Variants in FGF13 observed in about 807,000 individuals in gnomAD.
FGF13 encodes the protein fibroblast growth factor homologous factor 2.
Under a neutral mutation model 19.5 loss-of-function variants are expected in FGF13, and 2 were observed. The ratio of observed to expected loss-of-function variants is 0.10; its 90% CI spans 0.04 to 0.32. The LOEUF (loss-of-function observed/expected upper bound fraction) is 0.32. Ranked by LOEUF, FGF13 falls within the 10% of genes least tolerant of loss-of-function variation. The pLI is 1.00. For synonymous variants in FGF13, 72 were observed against 76.9 expected, an observed-to-expected ratio of 0.94 and a Z score of 0.33; for missense variants, 113 against 192.7, an observed-to-expected ratio of 0.59 and a Z score of 2.45.
intron 1 of FGF13, among the ~76,000 whole-genome samples, chrX:139,147,266 G>A (rs2083898834): frequency 9.1e-6 from 1 of 109,441 alleles, no homozygotes; most frequent in African/African-American, 3.3e-5. Context: ...GACAGCCTAG[G>A]GCAAGCAGCC....
chrX:138,916,923 C>A (rs2091620739), intron 1 of FGF13, among the ~76,000 whole-genome samples: 1 of 111,517 alleles, frequency 9.0e-6, no homozygotes, highest in Non-Finnish European at 1.9e-5. Flanking sequence ...CCCTAAATTA[C>A]CCAAACAAAA....
chrX:139,181,517 G>T (rs369636234), intron 1 of FGF13, among the ~76,000 whole-genome samples: 1 of 112,788 alleles, frequency 8.9e-6, no homozygotes, highest in South Asian at 3.7e-4. Flanking sequence ...ATTGAGGGCG[G>T]TTGAGACTGA....
intron 3 of FGF13, among the ~76,000 whole-genome samples, chrX:138,751,612 C>A (rs1005130653): frequency 9.0e-6 from 1 of 111,645 alleles, no homozygotes; most frequent in Admixed American, 9.5e-5. Flanking sequence ...ATACCTCCTC[C>A]TTTTTTGCTT....
At chrX:138,827,425 T>C (rs1227071445) in intron 3 of FGF13, among the ~76,000 whole-genome samples, 1 of 112,333 alleles carries the variant, frequency 8.9e-6, no homozygotes, top group Non-Finnish European at 1.9e-5. Flanking sequence ...TATTCTAATG[T>C]ACAGTGAAAA....
At chrX:139,204,235 AT>A, upstream of FGF13, 3 of 630,272 alleles carry the variant, frequency 4.8e-6, no homozygotes, top group Non-Finnish European at 5.1e-6. Flanking sequence ...TCGGGGCGGA[AT>A]CCGCTTTTCC....
intron 1 of FGF13, among the ~76,000 whole-genome samples, chrX:139,109,265 G>A (rs1184441779): frequency 9.0e-6 from 1 of 111,441 alleles, no homozygotes; most frequent in African/African-American, 3.3e-5. Context: ...CCTTGCTCTG[G>A]GAGATGCGAC....
chrX:139,105,210 C>T (rs1012789737), intron 1 of FGF13, among the ~76,000 whole-genome samples: 1 of 110,903 alleles, frequency 9.0e-6, no homozygotes, highest in African/African-American at 3.3e-5. Context: ...TCATTCCATA[C>T]CCTCAATGGC....
At position 138,661,122 on chromosome X, in the gene FGF13, ACTACGTAAGT is replaced by A. The variant is rs201120787; in HGVS notation, c.403-25477_403-25468del. On this transcript the variant is annotated intron_variant, in intron 3 of 4. Coordinates refer to ENST00000315930, the MANE Select transcript of FGF13 (RefSeq NM_004114.5). ...AGTTAACAGATAACAAGTGACCCAA[ACTACGTAAGT>A]TACTTGGCTAGTATATGTCCATGGA... Among the ~76,000 whole-genome samples, 262 of 111,313 alleles carry A rather than the reference ACTACGTAAGT, an allele frequency of 2.4e-3. 5 individuals are homozygous for A. The East Asian group carries it at 0.053, about 23-fold the overall frequency.
intron 1 of FGF13, among the ~76,000 whole-genome samples, chrX:138,996,449 G>C (rs1018071059): frequency 8.9e-6 from 1 of 112,947 alleles, no homozygotes; most frequent in Non-Finnish European, 1.9e-5. Flanking sequence ...TGAAATCCTC[G>C]CTGCTAGCGC....
intron 1 of FGF13, among the ~76,000 whole-genome samples, chrX:139,106,349 G>A (rs1241704723): frequency 8.9e-6 from 1 of 112,769 alleles, no homozygotes; most frequent in African/African-American, 3.2e-5. Context: ...CACAGAGTTG[G>A]CGTTTAAAGT....
chrX:138,898,408 G>A (rs1380205321), intron 1 of FGF13, among the ~76,000 whole-genome samples: 4 of 111,845 alleles, frequency 3.6e-5, no homozygotes, highest in Non-Finnish European at 5.6e-5. Flanking sequence ...GTAGACGCTT[G>A]GTATATGTGG....
Position 138,628,835 on chromosome X carries a change from C to T in FGF13, c.*4015G>A, listed in dbSNP as rs1484616831. The T allele has an allele frequency of 8.9e-6, 1 of 111,849 alleles. No individual in the cohort carries two copies. The highest frequency in any genetic ancestry group is 3.2e-5 in the African/African-American group (1 of 30,790). The allele number at this position is 111,849 out of a possible 1,213,427, so 9.2% of individuals were successfully genotyped here. ...GGGAGGAGTGCCACAGATCACTTCC[C>T]TCTCAGTCCTTTAAGGATTCCATGG... On this transcript the variant is annotated 3_prime_UTR_variant, in exon 5 of 5. Coordinates refer to ENST00000315930, the MANE Select transcript of FGF13 (RefSeq NM_004114.5).
chrX:138,784,357 C>G (rs1490659140), intron 3 of FGF13, among the ~76,000 whole-genome samples: 1 of 108,295 alleles, frequency 9.2e-6, no homozygotes, highest in Non-Finnish European at 1.9e-5. Flanking sequence ...AAAAGGTGTC[C>G]TGAGTTCTCT....
In FGF13 at chrX:138,764,359, G is replaced by A. The variant is rs765997441; in HGVS notation, c.218-55431C>T. Among the ~76,000 whole-genome samples the A allele has an allele frequency of 3.6e-5, 4 of 112,303 alleles. 1 individual carries two copies. In the South Asian group the frequency reaches 1.5e-3, roughly 41 times the overall value. ...GATATGGAGCAATCCTCTAACCCCC[G>A]ATGATGTAAACACTCAACTTTTTGC... On this transcript the variant is annotated intron_variant, in intron 3 of 6. Coordinates refer to the FGF13 transcript ENST00000436198.
chrX:138,984,590 G>GAAGAA (rs1471071586), intron 1 of FGF13, among the ~76,000 whole-genome samples: 1 of 32,961 alleles, frequency 3.0e-5, no homozygotes, highest in African/African-American at 1.1e-4. Context: ...AGAAGAAGAA[G>GAAGAA]GAGGAGGAGG....
intron 3 of FGF13, among the ~76,000 whole-genome samples, chrX:138,777,913 A>G (rs1216606578): frequency 1.8e-5 from 2 of 110,218 alleles, no homozygotes; most frequent in Non-Finnish European, 3.8e-5. Context: ...ACATAAATGA[A>G]AAAAAAAAAG....
chrX:138,962,181 G>A (rs1290159967), intron 1 of FGF13, among the ~76,000 whole-genome samples: 82 of 112,046 alleles, frequency 7.3e-4, no homozygotes, highest in Admixed American at 3.2e-3. Flanking sequence ...AAAAGTGGGC[G>A]AAGGATATGA....
In FGF13 at chrX:138,783,688, G is replaced by C. The variant is rs1367167772; in HGVS notation, c.217+73824C>G. The stretch of plus-strand genomic sequence containing the variant: ...CAACAGGTGCTGGAGAGGATGTGGA[G>C]AAATAGGAACACTTTTACACTGTTG... On this transcript the variant is annotated intron_variant, in intron 3 of 6. Coordinates refer to the FGF13 transcript ENST00000436198. 3.8e-3 allele frequency among the ~76,000 whole-genome samples: 396 copies of C among 103,105 alleles called. 4 individuals are homozygous for C. The highest frequency in any genetic ancestry group is 0.013 in the African/African-American group (379 of 29,349). 89.5% of individuals were successfully genotyped at this position (103,105 alleles called of 115,157 possible). A position where few individuals can be genotyped will look rare whatever the true frequency, so the allele number is the denominator to read the frequency against.
At chrX:138,902,031 A>G (rs192712108) in intron 1 of FGF13, among the ~76,000 whole-genome samples, 1 of 112,637 alleles carries the variant, frequency 8.9e-6, no homozygotes, top group East Asian at 2.8e-4. Flanking sequence ...TAAGTTCCTT[A>G]CAAGTATTGG....
Sources: gnomAD v4.1 joint callset for allele counts (sites outside exome capture counted in the v4.1 genomes callset) on GRCh38, gnomAD v4.1.1 for gene constraint, MANE v1.5 for transcripts, NCBI Gene and HGNC (gene_info 2026-07-23, HGNC 2026-07-21) for gene names.